Variants in LMLN observed in about 807,000 individuals in gnomAD.
LMLN encodes the protein leishmanolysin like peptidase.
A neutral mutation model predicts 92.3 loss-of-function variants in LMLN; 70 were observed. The observed-to-expected ratio is 0.76, with a 90% CI of 0.63 to 0.92. The LOEUF (loss-of-function observed/expected upper bound fraction) is 0.92, where lower values mean the gene tolerates loss of function less well. LMLN is among the 40% of genes least tolerant of loss of function. The probability of loss-of-function intolerance (pLI) is 0.00; values close to 1 mark genes in which losing one functional copy is unlikely to be tolerated. For synonymous variants in LMLN, 308 were observed against 296.2 expected, an observed-to-expected ratio of 1.04 and a Z score of -0.41; for missense variants, 691 against 814.6, an observed-to-expected ratio of 0.85 and a Z score of 1.85.
chr3:197,983,246 A>G (rs1252796748), intron 6 of LMLN, among the ~76,000 whole-genome samples: 1 of 152,216 alleles, frequency 6.6e-6, no homozygotes, highest in Non-Finnish European at 1.5e-5. Context: ...AGATAGTGGT[A>G]GGAGAACTGA....
chr3:197,984,128 A>G, intron 7 of LMLN, 80 bp downstream of exon 7: 1 of 855,784 alleles, frequency 1.2e-6, no homozygotes. Context: ...CATATATTCC[A>G]CTTTAAGATG....
At chr3:197,987,320 C>G (rs1355433950) in intron 8 of LMLN, among the ~76,000 whole-genome samples, 1 of 151,896 alleles carries the variant, frequency 6.6e-6, no homozygotes, top group Non-Finnish European at 1.5e-5. Context: ...CCAACACGCC[C>G]GGCTGATTTT....
intron 13 of LMLN, among the ~76,000 whole-genome samples, chr3:198,023,514 A>G (rs922549402): frequency 6.6e-6 from 1 of 152,166 alleles, no homozygotes; most frequent in African/African-American, 2.4e-5. Context: ...GACACTGATC[A>G]CTATAGTTTT....
Position 198,033,616 on chromosome 3 carries a change from G to T in LMLN, c.1657-2217G>T, listed in dbSNP as rs58325532. 9.8e-3 allele frequency among the ~76,000 whole-genome samples: 1,497 copies of T among 152,204 alleles called. 23 individuals carry two copies. The highest frequency in any genetic ancestry group is 0.034 in the African/African-American group (1,422 of 41,506). On this transcript the variant is annotated intron_variant, in intron 14 of 15. Coordinates refer to ENST00000330198, the Ensembl canonical transcript of LMLN. Reference sequence around the variant, plus strand: ...GGGGTTTCACCAGGTTGGCCAGGCTGGTCTCGAACTCCTGACCTCAGGTGA... The same window carrying T: ...GGGGTTTCACCAGGTTGGCCAGGCTTGTCTCGAACTCCTGACCTCAGGTGA...
chr3:198,035,035 T>A (rs1723173941), intron 14 of LMLN, among the ~76,000 whole-genome samples: 1 of 151,864 alleles, frequency 6.6e-6, no homozygotes, highest in Admixed American at 6.6e-5. Context: ...ACCCCATCTC[T>A]ACAAGAAAAT....
chr3:197,992,718 T>C (rs535078721), intron 9 of LMLN, among the ~76,000 whole-genome samples: 80 of 152,290 alleles, frequency 5.3e-4, no homozygotes, highest in African/African-American at 1.9e-3. Context: ...GAAGAACTAA[T>C]AATCCAGTCC....
exon 16 of LMLN, chr3:198,043,101 T>A (rs80266114): frequency 1.6e-5 from 2 of 127,942 alleles, no homozygotes; most frequent in Non-Finnish European, 3.3e-5. Flanking sequence ...TAAATAAATA[T>A]ATCAAAGTAT....
intron 13 of LMLN, among the ~76,000 whole-genome samples, chr3:198,024,451 G>A (rs769229178): frequency 1.3e-5 from 2 of 152,106 alleles, no homozygotes; most frequent in Admixed American, 6.5e-5. Flanking sequence ...TTCTGACCTC[G>A]TGATCTGCCC....
chr3:197,997,308 T>C (rs1722054677), intron 10 of LMLN, among the ~76,000 whole-genome samples: 1 of 152,032 alleles, frequency 6.6e-6, no homozygotes, highest in South Asian at 2.1e-4. Flanking sequence ...TTTCTTTTTG[T>C]TCTTTCAGTA....
chr3:198,020,880 C>T (rs886398933), intron 12 of LMLN, among the ~76,000 whole-genome samples: 5 of 147,074 alleles, frequency 3.4e-5, no homozygotes, highest in African/African-American at 1.3e-4. Context: ...ACCTCAGCCT[C>T]CCAAAGTGCT....
chr3:198,020,969 C>T (rs1381082652), intron 12 of LMLN, among the ~76,000 whole-genome samples: 1 of 151,386 alleles, frequency 6.6e-6, no homozygotes, highest in Non-Finnish European at 1.5e-5. Flanking sequence ...TATCTGGTGC[C>T]TTGTACCTTT....
chr3:197,969,559 A>G (rs1056045452), intron 1 of LMLN, among the ~76,000 whole-genome samples: 1 of 152,114 alleles, frequency 6.6e-6, no homozygotes, highest in Non-Finnish European at 1.5e-5. Context: ...GAATTTTGTT[A>G]TTGATAGAGA....
chr3:197,996,486 AAC>A (rs1722020856), intron 10 of LMLN: 2 of 349,640 alleles, frequency 5.7e-6, no homozygotes, highest in East Asian at 4.5e-5. Flanking sequence ...TGTGTGTGCA[AAC>A]ACACGCTGAA....
intron 7 of LMLN, among the ~76,000 whole-genome samples, chr3:197,984,834 C>T (rs546290038): frequency 2.6e-4 from 40 of 151,644 alleles, no homozygotes; most frequent in African/African-American, 9.7e-4. Flanking sequence ...CACCACCATG[C>T]CCTGCTAATT....
Position 198,019,626 on chromosome 3 carries a change from G to A in LMLN, c.1365+241G>A, listed in dbSNP as rs1255207465. Among the ~76,000 whole-genome samples the A allele has an allele frequency of 6.6e-6, 1 of 152,134 alleles. No individual in the cohort carries two copies. The highest frequency in any genetic ancestry group is 2.4e-5 in the African/African-American group (1 of 41,426). Reference sequence around the variant, plus strand: ...CAAGAATAATTTGAATATTTGATCTGTTTTTACCTGTTTATGTTTTCTAAT... The same window carrying A: ...CAAGAATAATTTGAATATTTGATCTATTTTTACCTGTTTATGTTTTCTAAT... On this transcript the variant is annotated intron_variant, in intron 12 of 15. Transcript: ENST00000330198. This position sits in a 1 kb window ranked among gnomAD's most constrained non-coding sequence, Gnocchi z 5.5.
intron 1 of LMLN, among the ~76,000 whole-genome samples, chr3:197,961,345 C>T (rs1341212036): frequency 6.6e-6 from 1 of 152,168 alleles, no homozygotes; most frequent in Non-Finnish European, 1.5e-5. Flanking sequence ...GGCAGGGCTG[C>T]ATGCTGATAC....
intron 1 of LMLN, among the ~76,000 whole-genome samples, chr3:197,971,826 A>AT (rs1560133913): frequency 2.6e-5 from 4 of 151,102 alleles, no homozygotes; most frequent in Non-Finnish European, 5.9e-5. Context: ...CAAATTTGAA[A>AT]TTTTTTAGCT....
chr3:198,027,211 G>A (rs1323353690), intron 14 of LMLN, among the ~76,000 whole-genome samples: 1 of 151,592 alleles, frequency 6.6e-6, no homozygotes, highest in African/African-American at 2.4e-5. Flanking sequence ...CATTACCCTC[G>A]TCACCCGGCC....
intron 1 of LMLN, among the ~76,000 whole-genome samples, chr3:197,969,862 A>C (rs1359967086): frequency 1.3e-5 from 2 of 152,214 alleles, no homozygotes; most frequent in Admixed American, 1.3e-4. Flanking sequence ...CCTCACAATT[A>C]GGCCAGCACA....
Sources: gnomAD v4.1 joint callset for allele counts (sites outside exome capture counted in the v4.1 genomes callset) on GRCh38, gnomAD v4.1.1 for gene constraint, Gnocchi (gnomAD v3.1) non-coding constraint, MANE v1.5 for transcripts, NCBI Gene and HGNC (gene_info 2026-07-23, HGNC 2026-07-21) for gene names.